Variants in NISCH observed in about 807,000 individuals in gnomAD.
NISCH encodes nischarin.
A neutral mutation model predicts 138.4 loss-of-function variants in NISCH; 55 were observed. The ratio of observed to expected loss-of-function variants is 0.40; its 90% CI spans 0.32 to 0.50. The LOEUF (loss-of-function observed/expected upper bound fraction) is 0.50, where lower values mean the gene tolerates loss of function less well. NISCH is among the 20% of genes least tolerant of loss of function. The pLI is 0.71. For synonymous variants in NISCH, 860 were observed against 861.5 expected (o/e 1.00, Z 0.03); for missense variants, 1,643 against 2,005.5 (o/e 0.82, Z 3.45).
chr3:52,489,947 T>C, intron 17 of NISCH, 128 bp from the exon 18 acceptor site: 1 of 1,349,784 alleles, frequency 7.4e-7, no homozygotes, highest in Non-Finnish European at 1.0e-6. Flanking sequence ...CTCTCTGCCT[T>C]GAAGCATACG....
chr3:52,489,937 C>A (rs975130805), intron 17 of NISCH, 138 bp from the exon 18 acceptor site: 3 of 1,289,196 alleles, frequency 2.3e-6, no homozygotes, highest in Non-Finnish European at 3.2e-6. Flanking sequence ...CCCTCTCTTC[C>A]TCTCTGCCTT....
intron 9 of NISCH, chr3:52,477,853 A>T: frequency 1.6e-6 from 1 of 624,442 alleles, no homozygotes; most frequent in Non-Finnish European, 2.8e-6. Flanking sequence ...AGGCATGATG[A>T]TGCACCTCCG....
Position 52,489,697 on chromosome 3 carries a change from G to A in NISCH, c.3456+19G>A. Reference sequence around the variant, plus strand: ...TGCTGAGGTAGCGGCCCGGGTGTGGGTGCCAGCTATGGCACGGCCAGTCCT... The same window carrying A: ...TGCTGAGGTAGCGGCCCGGGTGTGGATGCCAGCTATGGCACGGCCAGTCCT... On this transcript the variant is annotated intron_variant, in intron 17 of 20. Coordinates refer to ENST00000345716, the MANE Select transcript of NISCH (RefSeq NM_007184.4). 6.2e-7 allele frequency: 1 copy of A among 1,604,376 alleles called. No individual in the cohort carries two copies. The highest frequency in any genetic ancestry group is 8.5e-7 in the Non-Finnish European group (1 of 1,175,934).
At chr3:52,479,112 A>T (rs1707191067) in intron 11 of NISCH, among the ~76,000 whole-genome samples, 1 of 152,128 alleles carries the variant, frequency 6.6e-6, no homozygotes, top group South Asian at 2.1e-4. Flanking sequence ...TTGTGGCCGC[A>T]AGTGCCCCTT....
chr3:52,468,904 TAA>T (rs1317555418), intron 3 of NISCH, among the ~76,000 whole-genome samples: 1 of 150,900 alleles, frequency 6.6e-6, no homozygotes, highest in Non-Finnish European at 1.5e-5. Flanking sequence ...TCATGAAGGA[TAA>T]AAAAAAATTA....
At position 52,487,220 on chromosome 3, in the gene NISCH, C is replaced by T. The variant is rs747176109; in HGVS notation, c.1728C>T (p.Val576=). 6.2e-7 allele frequency: 1 copy of T among 1,614,048 alleles called. No individual in the cohort carries two copies. Among genetic ancestry groups the T allele is most frequent in the South Asian group, 1.1e-5 (1 of 91,080 alleles). The part of the protein sequence containing the change: ...GASPEHAEPE[V]QVVPGSGQII... ...GCCCAGAACATGCCGAGCCGGAGGTCCAGGTGGTGCCGGGGTCTGGCCAGA... is the reference window on the plus strand; with the variant it reads ...GCCCAGAACATGCCGAGCCGGAGGTTCAGGTGGTGCCGGGGTCTGGCCAGA... The change falls in exon 16 of 21, where the codon GTC becomes GTT. Residue 576 remains valine (V), a synonymous_variant. Coordinates refer to ENST00000345716, the MANE Select transcript of NISCH (RefSeq NM_007184.4). The surrounding 1 kb of genome is among the most constrained non-coding windows in gnomAD (Gnocchi z 9.1).
At chr3:52,466,898 C>T (rs1706795607) in intron 3 of NISCH, among the ~76,000 whole-genome samples, 1 of 152,064 alleles carries the variant, frequency 6.6e-6, no homozygotes, top group African/African-American at 2.4e-5. Context: ...AGAATCCCGG[C>T]AGGTGGTGGG....
rs1382136385 is a variant in NISCH at position 52,491,235 on chromosome 3, C to T, written c.3743-117C>T. 4.9e-6 allele frequency: 7 copies of T among 1,430,822 alleles called. No individual in the cohort carries two copies. The East Asian group carries it at 1.7e-4, about 36-fold the overall frequency. The allele number at this position is 1,430,822 out of a possible 1,614,324, so 88.6% of individuals were successfully genotyped here. A position where few individuals can be genotyped will look rare whatever the true frequency, so the allele number is the denominator to read the frequency against. ...GCCCCATGATTCTTTCCTGTGTGGG[C>T]CCTCCTGGCCCTGGCCTCTGGGCTG... On this transcript the variant is annotated intron_variant, in intron 19 of 20. Transcript: ENST00000345716.
intron 13 of NISCH, 67 bp downstream of exon 13, chr3:52,480,362 G>A (rs569831281): frequency 6.3e-7 from 1 of 1,594,528 alleles, no homozygotes; most frequent in Admixed American, 1.8e-5. Context: ...TGGCTGGGCT[G>A]GGGTTGGGGG....
intron 13 of NISCH, 169 bp downstream of exon 13, chr3:52,480,464 G>T: frequency 1.3e-6 from 2 of 1,534,554 alleles, no homozygotes; most frequent in Non-Finnish European, 1.7e-6. Context: ...CATGGCAGGG[G>T]TGCCTGGCCT....
chr3:52,464,290 C>T (rs941343980), intron 3 of NISCH, among the ~76,000 whole-genome samples: 3 of 151,468 alleles, frequency 2.0e-5, no homozygotes, highest in African/African-American at 2.4e-5. Context: ...CTCAGCTCCT[C>T]GGGAGGCTGA....
intron 13 of NISCH, chr3:52,482,042 C>CAGTCTATCTGCTCCCGTCCT: frequency 2.2e-6 from 1 of 456,514 alleles, no homozygotes; most frequent in Non-Finnish European, 2.9e-6. Context: ...CGGTCCAGGA[C>CAGTCTATCTGCTCCCGTCCT]GGGAGCAGAT....
chr3:52,458,483 C>T (rs1040213090), intron 2 of NISCH, among the ~76,000 whole-genome samples, 179 bp from the exon 3 acceptor site: 1 of 152,124 alleles, frequency 6.6e-6, no homozygotes, highest in Non-Finnish European at 1.5e-5. Flanking sequence ...ATTTCTAATG[C>T]TAATTGGATT....
chr3:52,459,070 A>G (rs551180738), intron 3 of NISCH, among the ~76,000 whole-genome samples: 2 of 152,330 alleles, frequency 1.3e-5, no homozygotes, highest in African/African-American at 4.8e-5. Flanking sequence ...GCTTTCCTCC[A>G]CCACAAGGCA....
chr3:52,458,975 T>G, intron 3 of NISCH, 131 bp downstream of exon 3: 1 of 686,326 alleles, frequency 1.5e-6, no homozygotes, highest in Non-Finnish European at 2.4e-6. Flanking sequence ...TGGAGGAACG[T>G]CACCCTGGTT....
chr3:52,480,231 C>A lies in NISCH; in HGVS notation c.1464C>A (p.Ser488Arg). The change falls in exon 13 of 21, where the codon AGC (serine) becomes AGA (arginine). Residue 488 changes from serine (S) to arginine (R), a missense_variant. Ser to Arg is a moderately radical substitution (Grantham distance 110). Transcript: ENST00000345716. ...RLSAAPCIRP[S>R]SSPPTVAPAS... Reference sequence around the variant, plus strand: ...CAGCTGCCCCCTGCATCAGACCCAGCAGCTCCCCTCCCACTGTGGCTCCCG... The same window carrying A: ...CAGCTGCCCCCTGCATCAGACCCAGAAGCTCCCCTCCCACTGTGGCTCCCG... 6.2e-7 allele frequency: 1 copy of A among 1,613,988 alleles called. No individual in the cohort carries two copies. The highest frequency in any genetic ancestry group is 8.5e-7 in the Non-Finnish European group (1 of 1,180,012).
At chr3:52,480,006 G>T (rs903861210) in intron 12 of NISCH, 144 bp downstream of exon 12, 6 of 949,870 alleles carry the variant, frequency 6.3e-6, no homozygotes, top group Non-Finnish European at 6.4e-6. Context: ...CGGGCAAGTC[G>T]CGGCCTCTCT....
intron 3 of NISCH, among the ~76,000 whole-genome samples, chr3:52,462,120 C>T (rs1578276121): frequency 6.6e-6 from 1 of 152,230 alleles, no homozygotes; most frequent in East Asian, 1.9e-4. Flanking sequence ...GCAGGCTCCG[C>T]TACTTGTAGA....
At chr3:52,476,948 T>C (rs1203229411) in intron 8 of NISCH, among the ~76,000 whole-genome samples, 1 of 152,142 alleles carries the variant, frequency 6.6e-6, no homozygotes, top group Admixed American at 6.5e-5. Context: ...GGCAGGAGAA[T>C]CGCTTGAACC....
Sources: gnomAD v4.1 joint callset for allele counts (sites outside exome capture counted in the v4.1 genomes callset) on GRCh38, gnomAD v4.1.1 for gene constraint, Gnocchi (gnomAD v3.1) non-coding constraint, MANE v1.5 for transcripts, NCBI Gene and HGNC (gene_info 2026-07-23, HGNC 2026-07-21) for gene names.